The following CHRM3 variants were observed in gnomAD, a reference collection of about 807,000 sequenced individuals.
CHRM3 encodes muscarinic acetylcholine receptor M3.
A neutral mutation model predicts 41.8 loss-of-function variants in CHRM3; 11 were observed. The ratio of observed to expected loss-of-function variants is 0.26; its 90% CI spans 0.17 to 0.44. The LOEUF is 0.44. Among genes scored for constraint, CHRM3 ranks in the 20% least tolerant of loss-of-function variants. The pLI is 1.00. For synonymous variants in CHRM3, 297 were observed against 301.4 expected, an observed-to-expected ratio of 0.99 and a Z score of 0.15; for missense variants, 571 against 745.4, an observed-to-expected ratio of 0.77 and a Z score of 2.72.
chr1:239,573,176 T>A (rs1265366088), intron 3 of CHRM3, among the ~76,000 whole-genome samples: 1 of 152,158 alleles, frequency 6.6e-6, no homozygotes, highest in Non-Finnish European at 1.5e-5. Flanking sequence ...TACCATTTAG[T>A]GCCAACTTTT....
chr1:239,414,374 A>G (rs1282987609), intron 1 of CHRM3, among the ~76,000 whole-genome samples: 3 of 152,240 alleles, frequency 2.0e-5, no homozygotes, highest in Non-Finnish European at 4.4e-5. Flanking sequence ...GGTTTCAATA[A>G]ACCTAAGTAA....
chr1:239,778,421 C>T (rs918185133), intron 5 of CHRM3, among the ~76,000 whole-genome samples: 1 of 152,172 alleles, frequency 6.6e-6, no homozygotes, highest in Non-Finnish European at 1.5e-5. Flanking sequence ...ACCACCCTCT[C>T]CCCATATCCT....
At chr1:239,676,667 C>T (rs1658032292) in intron 4 of CHRM3, among the ~76,000 whole-genome samples, 1 of 152,188 alleles carries the variant, frequency 6.6e-6, no homozygotes, top group Admixed American at 6.5e-5. Context: ...TACTCCAAGG[C>T]TGCACAAATC....
intron 5 of CHRM3, among the ~76,000 whole-genome samples, chr1:239,694,988 T>C (rs1341600845): frequency 6.6e-6 from 1 of 152,098 alleles, no homozygotes; most frequent in Admixed American, 6.5e-5. Flanking sequence ...GAACTGATTA[T>C]TGAAATGTTT....
chr1:239,504,116 CA>C (rs1238328691), intron 2 of CHRM3, among the ~76,000 whole-genome samples: 1 of 152,040 alleles, frequency 6.6e-6, no homozygotes, highest in East Asian at 1.9e-4. Context: ...GCAGAGTAAA[CA>C]GACAATCCAC....
intron 3 of CHRM3, among the ~76,000 whole-genome samples, chr1:239,594,438 A>C (rs554583874): frequency 1.3e-5 from 2 of 152,332 alleles, no homozygotes; most frequent in South Asian, 2.1e-4. Flanking sequence ...ATTATTATGA[A>C]TGTAGCTGTG....
intron 4 of CHRM3, among the ~76,000 whole-genome samples, chr1:239,655,538 C>A (rs539820919): frequency 2.0e-5 from 3 of 152,206 alleles, no homozygotes; most frequent in Non-Finnish European, 4.4e-5. Flanking sequence ...TTTCATAGAG[C>A]CCCAAATTAA....
At chr1:239,538,039 GC>G (rs1402118068) in intron 2 of CHRM3, among the ~76,000 whole-genome samples, 4 of 152,114 alleles carry the variant, frequency 2.6e-5, no homozygotes, top group Admixed American at 2.6e-4. Context: ...TTATGATATT[GC>G]TCCAGCTGAA....
chr1:239,841,776 A>G (rs1673820544), intron 6 of CHRM3, among the ~76,000 whole-genome samples: 1 of 152,206 alleles, frequency 6.6e-6, no homozygotes, highest in Admixed American at 6.5e-5. Context: ...CAATGGGAAG[A>G]TGGCTCCAAA....
chr1:239,494,953 C>T (rs531458119), intron 2 of CHRM3, among the ~76,000 whole-genome samples: 1 of 152,168 alleles, frequency 6.6e-6, no homozygotes, highest in Non-Finnish European at 1.5e-5. Flanking sequence ...AATCATTCTT[C>T]CATAAGAAAA....
intron 6 of CHRM3, among the ~76,000 whole-genome samples, chr1:239,866,442 A>G (rs560111919): frequency 2.1e-4 from 32 of 152,266 alleles, no homozygotes; most frequent in African/African-American, 7.5e-4. Flanking sequence ...ACAGCCAGTA[A>G]GAGGTGGATC....
chr1:239,702,500 C>A (rs1432261710), intron 5 of CHRM3, among the ~76,000 whole-genome samples: 1 of 152,216 alleles, frequency 6.6e-6, no homozygotes, highest in Non-Finnish European at 1.5e-5. Context: ...TTGTCTTCTT[C>A]CCTTCCCAAA....
chr1:239,806,785 G>A (rs1168164089), intron 5 of CHRM3, among the ~76,000 whole-genome samples: 2 of 152,168 alleles, frequency 1.3e-5, no homozygotes, highest in Non-Finnish European at 2.9e-5. Context: ...TTCAGAATAG[G>A]CAATGCTGGC....
chr1:239,428,551 GTT>G (rs1662576885), intron 1 of CHRM3, among the ~76,000 whole-genome samples: 6 of 152,206 alleles, frequency 3.9e-5, no homozygotes, highest in African/African-American at 7.2e-5. Context: ...TTCCATACAT[GTT>G]TGTTGAATAA....
intron 4 of CHRM3, among the ~76,000 whole-genome samples, chr1:239,644,679 T>G (rs1489876307): frequency 6.6e-6 from 1 of 152,166 alleles, no homozygotes; most frequent in African/African-American, 2.4e-5. Flanking sequence ...GAGTGGACTC[T>G]TTGACACTGT....
chr1:239,859,819 TTATATATATATATA>T (rs55700294), intron 6 of CHRM3, among the ~76,000 whole-genome samples: 101 of 131,314 alleles, frequency 7.7e-4, no homozygotes, highest in African/African-American at 1.3e-3. Flanking sequence ...TCTAAGTGTT[TTATATATATATATA>T]TATATATATA....
intron 5 of CHRM3, among the ~76,000 whole-genome samples, chr1:239,693,371 C>G (rs1659888692): frequency 6.6e-6 from 1 of 152,162 alleles, no homozygotes; most frequent in African/African-American, 2.4e-5. Flanking sequence ...CTCTCTCTCT[C>G]TCTCTTCTCA....
intron 3 of CHRM3, among the ~76,000 whole-genome samples, chr1:239,600,393 C>T (rs35437718): frequency 0.058 from 8,765 of 152,022 alleles, 374 homozygotes; most frequent in Middle Eastern, 0.2. Flanking sequence ...TGCTTATGCA[C>T]CTCTCCCAGT....
At chr1:239,859,561 T>A (rs1675434212) in intron 6 of CHRM3, among the ~76,000 whole-genome samples, 1 of 151,328 alleles carries the variant, frequency 6.6e-6, no homozygotes, top group African/African-American at 2.4e-5. Context: ...ATTACAGGCA[T>A]GCACTACGAT....
Sources: allele counts gnomAD v4.1 joint callset (sites outside exome capture counted in the v4.1 genomes callset), GRCh38; gene constraint gnomAD v4.1.1; transcripts MANE v1.5; gene names NCBI Gene and HGNC (gene_info 2026-07-23, HGNC 2026-07-21).